EMID1: variants seen among roughly 807,000 people sequenced by gnomAD.
EMID1 encodes EMI domain-containing protein 1.
EMID1 carries 40 observed loss-of-function variants against 60.6 expected under a neutral mutation model. The ratio of observed to expected loss-of-function variants is 0.66; its 90% CI spans 0.51 to 0.86. EMID1 has a LOEUF of 0.86. Among genes scored for constraint, EMID1 ranks in the 40% least tolerant of loss-of-function variants. The pLI, the probability that EMID1 is intolerant of heterozygous loss-of-function variation, is 0.00. For synonymous variants in EMID1, 242 were observed against 231.0 expected, an observed-to-expected ratio of 1.05 and a Z score of -0.43; for missense variants, 585 against 597.1, an observed-to-expected ratio of 0.98 and a Z score of 0.21.
intron 12 of EMID1, among the ~76,000 whole-genome samples, chr22:29,236,051 C>G (rs2040938338): frequency 6.6e-6 from 1 of 152,024 alleles, no homozygotes; most frequent in Non-Finnish European, 1.5e-5. Flanking sequence ...TTGGTCCATT[C>G]TAACAATCCT....
chr22:29,242,064 CCAT>C (rs1183349770), intron 12 of EMID1, among the ~76,000 whole-genome samples: 1 of 152,142 alleles, frequency 6.6e-6, no homozygotes, highest in Non-Finnish European at 1.5e-5. Flanking sequence ...GTGCACACCA[CCAT>C]ATCTGGCTTG....
At chr22:29,226,370 C>T (rs899861643) in intron 4 of EMID1, 120 bp from the exon 5 acceptor site, 9 of 1,108,364 alleles carry the variant, frequency 8.1e-6, no homozygotes, top group South Asian at 6.1e-5. Flanking sequence ...TAAGGTCCCT[C>T]GTGGGTTGGG....
In EMID1 at chr22:29,251,266, G is replaced by A. The variant is rs183307804; in HGVS notation, c.1120-2937G>A. ...CTGGCTAATTTTTGTATTTTTAGTA[G>A]AGATGGGGTTTCGTCATGTGGGCTA... On this transcript the variant is annotated intron_variant, in intron 13 of 14. Coordinates refer to ENST00000334018, the MANE Select transcript of EMID1 (RefSeq NM_133455.4). 9.4e-4 allele frequency among the ~76,000 whole-genome samples: 143 copies of A among 151,464 alleles called. 1 individual carries two copies. The highest frequency in any genetic ancestry group is 1.5e-3 in the Admixed American group (23 of 15,182).
At chr22:29,219,366 C>T (rs551078609) in intron 3 of EMID1, among the ~76,000 whole-genome samples, 1 of 152,190 alleles carries the variant, frequency 6.6e-6, no homozygotes, top group Admixed American at 6.5e-5. Flanking sequence ...CTGCTTCCCC[C>T]TCATAGGTCC....
intron 5 of EMID1, 55 bp from the exon 6 acceptor site, chr22:29,230,965 G>T: frequency 6.4e-7 from 1 of 1,559,552 alleles, no homozygotes; most frequent in South Asian, 1.2e-5. Context: ...AAAAAAAATA[G>T]GGAGGGGTCC....
Position 29,258,916 on chromosome 22 carries a change from C to T in EMID1, c.1304C>T (p.Ala435Val), listed in dbSNP as rs1397016696. 1.6e-5 allele frequency: 25 copies of T among 1,612,794 alleles called. No homozygotes were observed. Among genetic ancestry groups the T allele is most frequent in the Non-Finnish European group, 2.0e-5 (24 of 1,179,516 alleles). ...CATGCAACCAACTACCGGATCGTGG[C>T]CCCCAGGAGCCGGGACGAGAGAGGC... ...GGHATNYRIVAPRSRDERG is the reference protein window; with the variant it reads ...GGHATNYRIVVPRSRDERG The change falls in exon 15 of 15, where the codon GCC becomes GTC. Residue 435 changes from alanine (A) to valine (V), a missense_variant. Coordinates refer to ENST00000334018, the MANE Select transcript of EMID1 (RefSeq NM_133455.4).
In EMID1 at chr22:29,214,078, G is replaced by A. The variant is rs146838396; in HGVS notation, c.102-848G>A. The stretch of plus-strand genomic sequence containing the variant: ...GTGCTCAATATGTGCAGTGCACTCC[G>A]ATTATTAGTTGGTGTTTGGAGAACT... On this transcript the variant is annotated intron_variant, in intron 1 of 14. Transcript: ENST00000334018. Among the ~76,000 whole-genome samples the A allele has an allele frequency of 1.4e-3, 210 of 152,296 alleles. 2 individuals are homozygous for A. The highest frequency in any genetic ancestry group is 4.8e-3 in the African/African-American group (200 of 41,566).
At chr22:29,234,907 T>C (rs987666080) in intron 12 of EMID1, among the ~76,000 whole-genome samples, 1 of 152,018 alleles carries the variant, frequency 6.6e-6, no homozygotes, top group Non-Finnish European at 1.5e-5. Flanking sequence ...GCATCATGGC[T>C]GGGTGTGGTG....
At chr22:29,253,450 T>C (rs934729601) in intron 13 of EMID1, among the ~76,000 whole-genome samples, 3 of 151,936 alleles carry the variant, frequency 2.0e-5, no homozygotes, top group African/African-American at 7.3e-5. Context: ...GGTGTGGTGG[T>C]GCATGCCTGT....
chr22:29,247,283 G>A (rs370304494), intron 13 of EMID1, among the ~76,000 whole-genome samples: 48 of 152,140 alleles, frequency 3.2e-4, no homozygotes, highest in African/African-American at 1.1e-3. Context: ...TTTGCATTTT[G>A]ATATACAGAA....
Position 29,234,130 on chromosome 22 carries a change from T to G in EMID1, c.967-7T>G. 1 of 1,580,426 alleles carries G rather than the reference T, an allele frequency of 6.3e-7. No individual in the cohort carries two copies. Among genetic ancestry groups the G allele is most frequent in the Non-Finnish European group, 8.6e-7 (1 of 1,162,362 alleles). ...ACACAAGGCTGAGGCCCTGTCTTGT[T>G]GCTCAGGGACCCCCAGGCCCCACTG... On this transcript the variant is annotated splice_polypyrimidine_tract_variant and splice_region_variant and intron_variant, in intron 10 of 14. Transcript: ENST00000334018.
intron 5 of EMID1, among the ~76,000 whole-genome samples, chr22:29,229,306 T>A (rs1037853453): frequency 1.3e-5 from 2 of 151,924 alleles, no homozygotes; most frequent in African/African-American, 4.8e-5. Context: ...ACCACTGCAC[T>A]CTAGCCTGGA....
At position 29,258,844 on chromosome 22, in the gene EMID1, C is replaced by T. The variant is rs61736091; in HGVS notation, c.1232C>T (p.Pro411Leu). ...YEPELGSGAGPAGTGTPSLLR... is the reference protein window; with the variant it reads ...YEPELGSGAGLAGTGTPSLLR... ...CCAGAGCTGGGGTCTGGGGCGGGCC[C>T]TGCCGGCACAGGCACCCCCAGCCTC... The change falls in exon 15 of 15, where the codon CCT (proline) becomes CTT (leucine). Residue 411 changes from proline (P) to leucine (L), a missense_variant. Coordinates refer to ENST00000334018, the MANE Select transcript of EMID1 (RefSeq NM_133455.4). The T allele has an allele frequency of 3.3e-4, 532 of 1,613,190 alleles. 4 individuals are homozygous for T. In the African/African-American group the frequency reaches 5.0e-3, roughly 15 times the overall value.
chr22:29,241,440 G>C (rs908247546), intron 12 of EMID1, among the ~76,000 whole-genome samples: 3 of 152,182 alleles, frequency 2.0e-5, no homozygotes, highest in Non-Finnish European at 1.5e-5. Flanking sequence ...CTAGGCTGGA[G>C]TGCAATGGTG....
intron 3 of EMID1, among the ~76,000 whole-genome samples, chr22:29,224,801 C>G (rs1300540886): frequency 1.3e-5 from 2 of 152,234 alleles, no homozygotes; most frequent in Non-Finnish European, 2.9e-5. Context: ...ACAAGTCATG[C>G]AGGGCAGTAA....
chr22:29,224,416 A>G (rs535775617), intron 3 of EMID1, among the ~76,000 whole-genome samples: 36 of 151,992 alleles, frequency 2.4e-4, no homozygotes, highest in African/African-American at 8.4e-4. Flanking sequence ...AGCTGTGGAG[A>G]AAACCAGTCC....
At chr22:29,232,721 C>T in intron 8 of EMID1, 1 of 297,266 alleles carries the variant, frequency 3.4e-6, no homozygotes. Context: ...GGCTGGAATC[C>T]AGTTCTCGGA....
intron 14 of EMID1, among the ~76,000 whole-genome samples, chr22:29,257,640 C>G (rs1368966449): frequency 6.6e-6 from 1 of 152,214 alleles, no homozygotes; most frequent in Non-Finnish European, 1.5e-5. Flanking sequence ...TGCAGGAGAC[C>G]TGGGTGGAAG....
intron 13 of EMID1, chr22:29,253,799 C>T: frequency 1.9e-6 from 1 of 533,216 alleles, no homozygotes; most frequent in African/African-American, 2.1e-5. Flanking sequence ...TATAGGTGGC[C>T]AAGAGATATA....
Sources: gnomAD v4.1 joint callset for allele counts (sites outside exome capture counted in the v4.1 genomes callset) on GRCh38, gnomAD v4.1.1 for gene constraint, MANE v1.5 for transcripts, NCBI Gene and HGNC (gene_info 2026-07-23, HGNC 2026-07-21) for gene names.